LRRC49: variants seen among roughly 807,000 people sequenced by gnomAD.
LRRC49 encodes leucine-rich repeat-containing protein 49.
LRRC49 carries 50 observed loss-of-function variants against 83.3 expected under a neutral mutation model. That is an observed-to-expected ratio of 0.60 (90% CI 0.48 to 0.76). LRRC49 has a LOEUF of 0.76. LRRC49 is among the 30% of genes least tolerant of loss of function. The pLI is 0.00. For missense variants in LRRC49, 704 were observed against 809.1 expected (o/e 0.87, Z 1.58); for synonymous variants, 286 against 283.3 (o/e 1.01, Z -0.10).
intron 8 of LRRC49, among the ~76,000 whole-genome samples, chr15:70,959,581 GGAA>G (rs2036532057): frequency 6.9e-6 from 1 of 144,270 alleles, no homozygotes; most frequent in African/African-American, 2.5e-5. Context: ...AAGGAAGGAA[GGAA>G]GGAAGGAAGG....
intron 1 of LRRC49, among the ~76,000 whole-genome samples, chr15:70,871,758 G>A (rs965033856): frequency 4.0e-5 from 6 of 148,598 alleles, no homozygotes; most frequent in African/African-American, 1.2e-4. Flanking sequence ...ATCCCAGACG[G>A]GGCCGCGGCC....
chr15:70,941,426 T>G (rs867590566), intron 8 of LRRC49, among the ~76,000 whole-genome samples: 3 of 151,544 alleles, frequency 2.0e-5, no homozygotes, highest in Admixed American at 1.3e-4. Flanking sequence ...TGATAGTTTC[T>G]GAGGACGATT....
At chr15:71,005,374 A>G (rs1197682926) in intron 11 of LRRC49, among the ~76,000 whole-genome samples, 2 of 152,112 alleles carry the variant, frequency 1.3e-5, no homozygotes, top group African/African-American at 4.8e-5. Context: ...TAATATATAT[A>G]TTCATCTTCC....
At chr15:70,859,399 AGAG>A (rs2032730346) in intron 1 of LRRC49, 1 of 757,926 alleles carries the variant, frequency 1.3e-6, no homozygotes, top group East Asian at 2.5e-5. Context: ...AGCTGTTTGA[AGAG>A]GAGATCTGGG....
chr15:70,903,021 G>T (rs1442239172), intron 4 of LRRC49, among the ~76,000 whole-genome samples: 1 of 152,102 alleles, frequency 6.6e-6, no homozygotes, highest in African/African-American at 2.4e-5. Flanking sequence ...TCAATCTACG[G>T]TAGTTTAGGT....
At chr15:70,888,152 CGTGA>C (rs147684317), upstream of LRRC49, among the ~76,000 whole-genome samples, 4,864 of 152,172 alleles carry the variant, frequency 0.032, 124 homozygotes, top group Non-Finnish European at 0.049. Context: ...TCAAAATCCT[CGTGA>C]GTAACTTGTG....
At chr15:70,942,118 AAAATT>A (rs926065162) in intron 8 of LRRC49, among the ~76,000 whole-genome samples, 3 of 152,028 alleles carry the variant, frequency 2.0e-5, no homozygotes, top group African/African-American at 4.8e-5. Context: ...TTCTGGAACT[AAAATT>A]AAACTAAGGC....
At chr15:71,034,287 T>G (rs1001192209) in intron 14 of LRRC49, among the ~76,000 whole-genome samples, 1 of 151,940 alleles carries the variant, frequency 6.6e-6, no homozygotes, top group Non-Finnish European at 1.5e-5. Context: ...GAAAAAAAGG[T>G]CGACATCACT....
In LRRC49 at chr15:70,917,997, C is replaced by T. The variant is rs569641905; in HGVS notation, c.568-1053C>T. Among the ~76,000 whole-genome samples the T allele has an allele frequency of 5.9e-5, 9 of 152,376 alleles. No individual in the cohort carries two copies. The South Asian group carries it at 1.9e-3, about 32-fold the overall frequency. On this transcript the variant is annotated intron_variant, in intron 6 of 15. Transcript: ENST00000260382. ...CTCCCCAAGCCAGGGCTGTGACTCC[C>T]TCTTTGGGACCCTGCGGTTCCTCGC... is the stretch of plus-strand genomic sequence containing the variant.
intron 14 of LRRC49, among the ~76,000 whole-genome samples, chr15:71,029,463 A>T (rs2039280405): frequency 6.6e-6 from 1 of 152,140 alleles, no homozygotes; most frequent in African/African-American, 2.4e-5. Flanking sequence ...TTTAGAATTC[A>T]TGCTATGTGG....
At chr15:71,016,579 C>T (rs1023609655) in intron 14 of LRRC49, among the ~76,000 whole-genome samples, 77 of 151,924 alleles carry the variant, frequency 5.1e-4, no homozygotes, top group African/African-American at 1.8e-3. Flanking sequence ...TAAAAGCAAA[C>T]ACTGACGCTC....
At chr15:70,884,106 G>T (rs2033340100) in intron 2 of LRRC49, among the ~76,000 whole-genome samples, 1 of 152,130 alleles carries the variant, frequency 6.6e-6, no homozygotes, top group African/African-American at 2.4e-5. Flanking sequence ...GAGCCTGGGA[G>T]GAGAGAAAGT....
At chr15:71,012,666 T>C in intron 13 of LRRC49, 138 bp from the exon 14 acceptor site, 1 of 535,990 alleles carries the variant, frequency 1.9e-6, no homozygotes, top group Non-Finnish European at 3.3e-6. Context: ...AAAACTCTTC[T>C]TTCCACAGCA....
At chr15:70,862,235 C>G (rs1216809687) in intron 1 of LRRC49, among the ~76,000 whole-genome samples, 2 of 152,128 alleles carry the variant, frequency 1.3e-5, no homozygotes, top group Non-Finnish European at 2.9e-5. Context: ...CAGAAATTCT[C>G]AACTTAAGTT....
At chr15:70,863,939 G>A (rs1454461314) in intron 1 of LRRC49, among the ~76,000 whole-genome samples, 2 of 152,204 alleles carry the variant, frequency 1.3e-5, no homozygotes, top group African/African-American at 4.8e-5. Context: ...CACAGCTTTG[G>A]CACCTTCTGT....
chr15:70,892,849 T>C lies in LRRC49; in HGVS notation c.-46T>C, dbSNP rs1043811316. On this transcript the variant is annotated 5_prime_UTR_variant, in exon 1 of 16. Transcript: ENST00000260382. ...GTCTCTTTGAATCTCCGCTGTAGCG[T>C]CACCTGGAAGGCAGATCTAACAGAG... 1.2e-6 allele frequency: 2 copies of C among 1,614,156 alleles called. No individual in the cohort carries two copies. Among genetic ancestry groups the C allele is most frequent in the Non-Finnish European group, 8.5e-7 (1 of 1,180,020 alleles).
chr15:70,928,855 G>A lies in LRRC49; in HGVS notation c.712-7906G>A, dbSNP rs532304075. Among the ~76,000 whole-genome samples, 43 of 152,244 alleles carry A rather than the reference G, an allele frequency of 2.8e-4. 1 individual carries two copies. The highest frequency in any genetic ancestry group is 7.5e-4 in the African/African-American group (31 of 41,552). On this transcript the variant is annotated intron_variant, in intron 7 of 15. Transcript: ENST00000260382. The stretch of plus-strand genomic sequence containing the variant: ...ATTGGGATTACAGGCATGAGCCCCC[G>A]TGCCTGGCACATATCTTTCATTTAT...
intron 3 of LRRC49, chr15:70,900,517 C>A: frequency 2.2e-6 from 1 of 456,896 alleles, no homozygotes; most frequent in South Asian, 1.5e-5. Context: ...GGAGATTCTT[C>A]CATTAAGACA....
intron 15 of LRRC49, among the ~76,000 whole-genome samples, chr15:71,041,519 A>G (rs1274042489): frequency 6.6e-6 from 1 of 152,182 alleles, no homozygotes; most frequent in Non-Finnish European, 1.5e-5. Flanking sequence ...AACTCACAGT[A>G]GCAACACAGA....
Sources: gnomAD v4.1 joint callset for allele counts (sites outside exome capture counted in the v4.1 genomes callset) on GRCh38, gnomAD v4.1.1 for gene constraint, MANE v1.5 for transcripts, NCBI Gene and HGNC (gene_info 2026-07-23, HGNC 2026-07-21) for gene names.